The following HBP1 variants were observed in gnomAD, a reference collection of about 807,000 sequenced individuals.
HBP1 encodes the protein HMG box-containing protein 1.
In HBP1, 20 loss-of-function variants were observed where a neutral mutation model predicts 62.6. The observed-to-expected ratio is 0.32, with a 90% CI of 0.22 to 0.46. The LOEUF (loss-of-function observed/expected upper bound fraction) is 0.46, where lower values mean the gene tolerates loss of function less well. Ranked by LOEUF, HBP1 falls within the 20% of genes least tolerant of loss-of-function variation. HBP1 has a pLI of 1.00. For missense variants in HBP1, 480 were observed against 611.8 expected (o/e 0.78, Z 2.27); for synonymous variants, 232 against 206.2 (o/e 1.12, Z -1.07).
At chr7:107,185,994 G>A (rs7794965) in intron 4 of HBP1, 52 bp downstream of exon 4, 268,329 of 1,376,526 alleles carry the variant, frequency 0.19, 26,887 homozygotes, top group Non-Finnish European at 0.21. Context: ...AACAGTTGAA[G>A]TACATTAACA....
At chr7:107,196,351 C>T in intron 9 of HBP1, 200 bp downstream of exon 9, 1 of 587,208 alleles carries the variant, frequency 1.7e-6, no homozygotes, top group Non-Finnish European at 3.2e-6. Flanking sequence ...TCACTGCAAC[C>T]TCCGCCTTCC....
Position 107,190,235 on chromosome 7 carries a change from C to G in HBP1, c.985C>G (p.His329Asp). The change falls in exon 8 of 11, where the codon CAT (histidine) becomes GAT (aspartate). Residue 329 changes from histidine (H) to aspartate (D), a missense_variant. His to Asp is a moderately conservative substitution (Grantham distance 81). Coordinates refer to ENST00000222574, the MANE Select transcript of HBP1 (RefSeq NM_012257.4). ...VQHGIPCCEV[H>D]IGDVCLPPGH... The stretch of plus-strand genomic sequence containing the variant: ...GCATGGCATTCCATGTTGTGAAGTT[C>G]ATATTGGCGATGTATGTCTACCTCC... The G allele has an allele frequency of 6.2e-7, 1 of 1,611,214 alleles. No homozygotes were observed. Among genetic ancestry groups the G allele is most frequent in the Non-Finnish European group, 8.5e-7 (1 of 1,177,566 alleles).
chr7:107,192,618 A>G (rs1431219769), intron 8 of HBP1: 1 of 152,190 alleles, frequency 6.6e-6, no homozygotes, highest in African/African-American at 2.4e-5. Flanking sequence ...TAAAGTTTAC[A>G]TATTATTACA....
In HBP1 at chr7:107,180,063, G is replaced by A. The variant is rs777174306; in HGVS notation, c.169+1G>A. On this transcript the variant is annotated splice_donor_variant, in intron 2 of 10. Transcript: ENST00000222574. LOFTEE classifies it high-confidence loss of function. ...TCCTGTGATGAACACATGGAGCTTGGTAAGCAAAATTAAAAGTTATATAGA... is the reference window on the plus strand; with the variant it reads ...TCCTGTGATGAACACATGGAGCTTGATAAGCAAAATTAAAAGTTATATAGA... 6.4e-7 allele frequency: 1 copy of A among 1,551,188 alleles called. No individual in the cohort carries two copies. Among genetic ancestry groups the A allele is most frequent in the Non-Finnish European group, 8.8e-7 (1 of 1,133,106 alleles).
At chr7:107,182,125 A>C (rs1797136443) in intron 2 of HBP1, among the ~76,000 whole-genome samples, 1 of 152,178 alleles carries the variant, frequency 6.6e-6, no homozygotes, top group South Asian at 2.1e-4. Flanking sequence ...TTAACTTGTT[A>C]ATGTAAAAAT....
intron 1 of HBP1, among the ~76,000 whole-genome samples, chr7:107,171,271 C>T (rs1353600666): frequency 6.6e-6 from 1 of 150,894 alleles, no homozygotes; most frequent in Non-Finnish European, 1.5e-5. Flanking sequence ...GGGGTTTCAC[C>T]ATTTTGAGCA....
chr7:107,171,073 A>ATATATATATATTTTTTTTTTTTT, intron 1 of HBP1, among the ~76,000 whole-genome samples: 1 of 87,194 alleles, frequency 1.1e-5, no homozygotes, highest in African/African-American at 6.6e-5. Context: ...ATATATATAT[A>ATATATATATATTTTTTTTTTTTT]TTTTTTTTTT....
rs771967473 is a variant in HBP1 at position 107,186,446 on chromosome 7, C to T, written c.626C>T (p.Ser209Leu). 1.2e-6 allele frequency: 2 copies of T among 1,611,964 alleles called. No individual in the cohort carries two copies. Among genetic ancestry groups the T allele is most frequent in the South Asian group, 1.1e-5 (1 of 90,930 alleles). Reference sequence around the variant, plus strand: ...TTGGGATGGTGCAATTCCTGGCCTTCAACTGTCTGGCACTGTTTTTTGAAA... The same window carrying T: ...TTGGGATGGTGCAATTCCTGGCCTTTAACTGTCTGGCACTGTTTTTTGAAA... ...DDLGWCNSWP[S>L]TVWHCFLKGT... Residue 209 changes from serine (S) to leucine (L), a missense_variant, in exon 5 of 11, where the codon TCA (serine) becomes TTA (leucine). Transcript: ENST00000222574.
chr7:107,171,066 TA>T (rs1245388447), intron 1 of HBP1, among the ~76,000 whole-genome samples: 10,873 of 57,524 alleles, frequency 0.19, 1,663 homozygotes, highest in East Asian at 0.22. Flanking sequence ...TATATATATA[TA>T]TATATATTTT....
At chr7:107,171,719 G>A (rs1233957664) in intron 1 of HBP1, among the ~76,000 whole-genome samples, 1 of 151,894 alleles carries the variant, frequency 6.6e-6, no homozygotes, top group Admixed American at 6.6e-5. Flanking sequence ...AGTTAGCTGG[G>A]CATGGTGGCG....
At chr7:107,175,301 A>G (rs1030920190) in intron 1 of HBP1, among the ~76,000 whole-genome samples, 1 of 152,040 alleles carries the variant, frequency 6.6e-6, no homozygotes, top group African/African-American at 2.4e-5. Context: ...GTTAGGCTCT[A>G]TTCTGAGCAT....
At chr7:107,171,073 A>ATATATATATATATATATATTTT in intron 1 of HBP1, among the ~76,000 whole-genome samples, 1 of 87,198 alleles carries the variant, frequency 1.1e-5, no homozygotes, top group African/African-American at 6.6e-5. Context: ...ATATATATAT[A>ATATATATATATATATATATTTT]TTTTTTTTTT....
At position 107,189,279 on chromosome 7, in the gene HBP1, C is replaced by G. The variant is rs199722810; in HGVS notation, c.766-13C>G. The G allele has an allele frequency of 2.6e-5, 41 of 1,603,466 alleles. No individual in the cohort carries two copies. Among genetic ancestry groups the G allele is most frequent in the Non-Finnish European group, 3.2e-5 (37 of 1,171,400 alleles). ...ACATTTCCAATTCATTCACGCTATG[C>G]ATATATTTTCAGGGCTATGGTTCTG... is the stretch of plus-strand genomic sequence containing the variant. On this transcript the variant is annotated splice_polypyrimidine_tract_variant and intron_variant, in intron 6 of 10. Coordinates refer to ENST00000222574, the MANE Select transcript of HBP1 (RefSeq NM_012257.4).
At position 107,190,271 on chromosome 7, in the gene HBP1, G is replaced by A. The variant is rs753601120; in HGVS notation, c.1021G>A (p.Asp341Asn). Residue 341 changes from aspartate to asparagine, a missense_variant, in exon 8 of 11, where the codon GAT becomes AAT. By Grantham distance (23) the Asp-to-Asn change is conservative (BLOSUM62 1). This residue lies in a region of HBP1 where 58 missense variants were observed against 128.5 expected (regional missense o/e 0.45). Transcript: ENST00000222574. The stretch of plus-strand genomic sequence containing the variant: ...TGTATGTCTACCTCCTGGACACCCC[G>A]ATGCCATTAATTTTGATGATTCAGG... The part of the protein sequence containing the change: ...GDVCLPPGHP[D>N]AINFDDSGVF... 8 of 1,610,448 alleles carry A rather than the reference G, an allele frequency of 5.0e-6. No individual in the cohort carries two copies. The highest frequency in any genetic ancestry group is 2.2e-5 in the South Asian group (2 of 90,934).
intron 1 of HBP1, chr7:107,169,647 T>G: frequency 5.5e-6 from 4 of 722,812 alleles, no homozygotes; most frequent in Non-Finnish European, 6.8e-6. Flanking sequence ...GCCGCCTCCT[T>G]CTGGACTGAG....
At chr7:107,182,233 GA>G (rs1797141874) in intron 2 of HBP1, 139 bp from the exon 3 acceptor site, 1 of 612,250 alleles carries the variant, frequency 1.6e-6, no homozygotes, top group African/African-American at 1.8e-5. Flanking sequence ...TCCAGTCTGT[GA>G]ACAGAATGTT....
rs779881930 is a variant in HBP1, at chr7:107,169,062, T to C, written c.-139T>C. On this transcript the variant is annotated 5_prime_UTR_variant, in exon 1 of 11. Transcript: ENST00000222574. The stretch of plus-strand genomic sequence containing the variant: ...AAAGTTTCGGTTGAGGAGTAAGAGC[T>C]GCCGCGGGAGCAGTAACCCGCGCGG... 13 of 1,288,008 alleles carry C rather than the reference T, an allele frequency of 1.0e-5. No homozygotes were observed. Among genetic ancestry groups the C allele is most frequent in the Non-Finnish European group, 1.3e-5 (13 of 988,064 alleles). The allele number at this position is 1,288,008 out of a possible 1,614,324, so 79.8% of individuals were successfully genotyped here.
rs1384319631 is a variant in HBP1, at chr7:107,201,454, G to C, written c.*23G>C. The stretch of plus-strand genomic sequence containing the variant: ...TAAACCAGGATGCTTATGTTCTTAA[G>C]TCTATATTTGCATATACATTGACTC... On this transcript the variant is annotated 3_prime_UTR_variant, in exon 11 of 11. Transcript: ENST00000222574. The C allele has an allele frequency of 1.3e-6, 2 of 1,508,920 alleles. No individual in the cohort carries two copies. The highest frequency in any genetic ancestry group is 1.8e-6 in the Non-Finnish European group (2 of 1,086,948). 93.5% of individuals were successfully genotyped at this position (1,508,920 alleles called of 1,614,324 possible).
chr7:107,173,936 G>A (rs1380955277), intron 1 of HBP1, among the ~76,000 whole-genome samples: 2 of 152,320 alleles, frequency 1.3e-5, no homozygotes, highest in East Asian at 3.9e-4. Flanking sequence ...ATTTGAAAGA[G>A]GAGCTTGTTT....
Sources: gnomAD v4.1 joint callset for allele counts (sites outside exome capture counted in the v4.1 genomes callset) on GRCh38, gnomAD v4.1.1 for gene constraint, gnomAD v4.1.1 regional missense constraint, MANE v1.5 for transcripts, NCBI Gene and HGNC (gene_info 2026-07-23, HGNC 2026-07-21) for gene names.